GRIK4: variants seen among roughly 807,000 people sequenced by gnomAD.
The protein encoded by GRIK4 is glutamate ionotropic receptor kainate type subunit 4.
Under a neutral mutation model 104.9 loss-of-function variants are expected in GRIK4, and 40 were observed. The ratio of observed to expected loss-of-function variants is 0.38; its 90% CI spans 0.30 to 0.50. The LOEUF is 0.50. Among genes scored for constraint, GRIK4 ranks in the 20% least tolerant of loss-of-function variants. The pLI, the probability that GRIK4 is intolerant of heterozygous loss-of-function variation, is 0.93. For synonymous variants in GRIK4, 485 were observed against 524.9 expected, an observed-to-expected ratio of 0.92 and a Z score of 1.04; for missense variants, 1,047 against 1,308.1, an observed-to-expected ratio of 0.80 and a Z score of 3.08.
chr11:120,741,525 G>A (rs1016858524), intron 3 of GRIK4, among the ~76,000 whole-genome samples: 5 of 152,136 alleles, frequency 3.3e-5, no homozygotes, highest in Middle Eastern at 3.4e-3. Context: ...TGATCCGCCC[G>A]CCTCAGCCTC....
At chr11:120,839,583 A>G (rs1363419832) in intron 8 of GRIK4, among the ~76,000 whole-genome samples, 1 of 152,194 alleles carries the variant, frequency 6.6e-6, no homozygotes, top group Non-Finnish European at 1.5e-5. Context: ...GAAGATGCTT[A>G]TTTTGCTCCC....
rs142841881 is a variant in GRIK4 at position 120,534,733 on chromosome 11, G to C, written c.-159+22846G>C. Among the ~76,000 whole-genome samples the C allele has an allele frequency of 1.5e-3, 235 of 152,312 alleles. 2 individuals carry two copies. Among genetic ancestry groups the C allele is most frequent in the African/African-American group, 5.4e-3 (224 of 41,558 alleles). ...GAAGGAGGTGACTGCCATAGCAGAA[G>C]AGCATTGGACAGGTCCAGAGGGGAC... On this transcript the variant is annotated intron_variant, in intron 1 of 20. Coordinates refer to ENST00000527524, the MANE Select transcript of GRIK4 (RefSeq NM_014619.5).
At chr11:120,745,414 C>G (rs1951421893) in intron 3 of GRIK4, among the ~76,000 whole-genome samples, 2 of 152,286 alleles carry the variant, frequency 1.3e-5, no homozygotes, top group East Asian at 3.9e-4. Context: ...GAACAGCTTT[C>G]CATATCAGTT....
chr11:120,789,885 G>T (rs550364091), intron 3 of GRIK4, among the ~76,000 whole-genome samples: 1 of 152,258 alleles, frequency 6.6e-6, no homozygotes, highest in Admixed American at 6.5e-5. Context: ...TTAGATAAAT[G>T]CATGAGGCCT....
Position 120,837,728 on chromosome 11 carries a change from A to G in GRIK4, c.744+884A>G, listed in dbSNP as rs1191071991. The stretch of plus-strand genomic sequence containing the variant: ...ACTGCTGCTATAAATTAGAGCATTA[A>G]TATGTAAAAAGGGAGAAAAGGATTA... On this transcript the variant is annotated intron_variant, in intron 8 of 20. Coordinates refer to ENST00000527524, the MANE Select transcript of GRIK4 (RefSeq NM_014619.5). 2.1e-4 allele frequency among the ~76,000 whole-genome samples: 32 copies of G among 151,916 alleles called. 1 individual carries two copies. Among genetic ancestry groups the G allele is most frequent in the Non-Finnish European group, 1.5e-5 (1 of 67,966 alleles).
At chr11:120,922,928 A>G (rs1481948413) in intron 13 of GRIK4, among the ~76,000 whole-genome samples, 1 of 152,252 alleles carries the variant, frequency 6.6e-6, no homozygotes, top group Non-Finnish European at 1.5e-5. Context: ...ATCCTTAGAA[A>G]TAGCAGCATG....
chr11:120,675,587 ATAG>A (rs1184687851), intron 3 of GRIK4, among the ~76,000 whole-genome samples: 3 of 152,298 alleles, frequency 2.0e-5, no homozygotes, highest in South Asian at 2.1e-4. Flanking sequence ...TATTTAAAAA[ATAG>A]TAGTTTGCTC....
rs1405926511 is a variant in GRIK4 at position 120,963,050 on chromosome 11, A to G, written c.2266+369A>G. 9 of 169,402 alleles carry G rather than the reference A, an allele frequency of 5.3e-5. No individual in the cohort carries two copies. In the East Asian group the frequency reaches 1.5e-3, roughly 28 times the overall value. 10.5% of individuals were successfully genotyped at this position (169,402 alleles called of 1,614,324 possible). ...CTTGGCCATTTCTCTGTTGATTGCTATCTCTACTAGCAGTGGGAAGAAGGA... is the reference window on the plus strand; with the variant it reads ...CTTGGCCATTTCTCTGTTGATTGCTGTCTCTACTAGCAGTGGGAAGAAGGA... On this transcript the variant is annotated intron_variant, in intron 18 of 20. Transcript: ENST00000527524.
At chr11:120,635,092 G>A (rs1295778710) in intron 1 of GRIK4, among the ~76,000 whole-genome samples, 1 of 152,068 alleles carries the variant, frequency 6.6e-6, no homozygotes, top group Non-Finnish European at 1.5e-5. Flanking sequence ...GCTGAGTGTG[G>A]CCCAGGATTC....
chr11:120,928,612 C>T (rs975960337), intron 13 of GRIK4, among the ~76,000 whole-genome samples: 5 of 152,118 alleles, frequency 3.3e-5, no homozygotes, highest in Non-Finnish European at 5.9e-5. Context: ...ACCTCTGTGC[C>T]GCATAATTTC....
chr11:120,671,894 G>A (rs7934908), intron 3 of GRIK4, among the ~76,000 whole-genome samples: 24,895 of 152,058 alleles, frequency 0.16, 2,279 homozygotes, highest in South Asian at 0.23. Flanking sequence ...TCCTTTCCTC[G>A]TTGCTTGTTT....
At chr11:120,691,818 T>C (rs971655531) in intron 3 of GRIK4, among the ~76,000 whole-genome samples, 53 of 152,242 alleles carry the variant, frequency 3.5e-4, no homozygotes, top group Non-Finnish European at 5.9e-5. Flanking sequence ...ATGTGCCTGC[T>C]GATCCCCTGC....
chr11:120,612,938 A>T (rs1949056111), intron 1 of GRIK4, among the ~76,000 whole-genome samples: 1 of 152,224 alleles, frequency 6.6e-6, no homozygotes, highest in Non-Finnish European at 1.5e-5. Flanking sequence ...TCATGGGCAC[A>T]TGGTGCAAAC....
At chr11:120,698,060 C>T (rs1294024148) in intron 3 of GRIK4, among the ~76,000 whole-genome samples, 2 of 152,128 alleles carry the variant, frequency 1.3e-5, no homozygotes, top group Admixed American at 1.3e-4. Context: ...GAGGTGTCCC[C>T]CCTGGCTTTG....
intron 12 of GRIK4, 34 bp downstream of exon 12, chr11:120,898,673 A>C: frequency 8.2e-7 from 1 of 1,222,046 alleles, no homozygotes; most frequent in Non-Finnish European, 1.2e-6. Flanking sequence ...CAGCTGCAGC[A>C]TCCTGGGGTG....
At chr11:120,700,788 C>T (rs1950539948) in intron 3 of GRIK4, among the ~76,000 whole-genome samples, 1 of 152,114 alleles carries the variant, frequency 6.6e-6, no homozygotes, top group African/African-American at 2.4e-5. Context: ...GACAGGGTTT[C>T]ACCATGTTGG....
intron 18 of GRIK4, among the ~76,000 whole-genome samples, chr11:120,963,827 T>G (rs189955624): frequency 1.3e-5 from 2 of 152,212 alleles, no homozygotes; most frequent in Admixed American, 1.3e-4. Flanking sequence ...ATTCATAAAA[T>G]TAGGTTTCTA....
intron 1 of GRIK4, among the ~76,000 whole-genome samples, chr11:120,558,528 C>G (rs993309397): frequency 2.6e-5 from 4 of 152,174 alleles, no homozygotes; most frequent in African/African-American, 9.7e-5. Context: ...GCAGAGGTTG[C>G]AGTGAGCTGA....
At chr11:120,981,054 C>T (rs1292707073) in intron 19 of GRIK4, among the ~76,000 whole-genome samples, 1 of 152,190 alleles carries the variant, frequency 6.6e-6, no homozygotes, top group Non-Finnish European at 1.5e-5. Context: ...GAGGACATTA[C>T]TGACTGAACA....
Sources: gnomAD v4.1 joint callset for allele counts (sites outside exome capture counted in the v4.1 genomes callset) on GRCh38, gnomAD v4.1.1 for gene constraint, MANE v1.5 for transcripts, NCBI Gene and HGNC (gene_info 2026-07-23, HGNC 2026-07-21) for gene names.